The following CLTCL1 variants were observed in gnomAD, a reference collection of about 807,000 sequenced individuals.
The protein encoded by CLTCL1 is clathrin heavy chain 2.
In CLTCL1, 159 loss-of-function variants were observed where a neutral mutation model predicts 190.0. The observed-to-expected ratio is 0.84, with a 90% CI of 0.74 to 0.95. CLTCL1 has a LOEUF of 0.95. Ranked by LOEUF, CLTCL1 falls within the 40% of genes least tolerant of loss-of-function variation. CLTCL1 has a pLI of 0.00. For missense variants in CLTCL1, 1,878 were observed against 2,033.4 expected (o/e 0.92, Z 1.47); for synonymous variants, 752 against 769.6 (o/e 0.98, Z 0.38).
rs543475853 is a variant in CLTCL1 at position 19,254,848 on chromosome 22, GC to G, written c.251-622del. 2.8e-4 allele frequency among the ~76,000 whole-genome samples: 42 copies of G among 152,192 alleles called. No individual in the cohort carries two copies. In the South Asian group the frequency reaches 8.1e-3, roughly 29 times the overall value. ...CTTTAATTAATTTAAGTGTTAAACA[GC>G]CCCATGTAGCTAATGTCCAATAGGG... On this transcript the variant is annotated intron_variant, in intron 2 of 32. Coordinates refer to ENST00000427926, the MANE Select transcript of CLTCL1 (RefSeq NM_007098.4).
At position 19,235,219 on chromosome 22, in the gene CLTCL1, G is replaced by C. The variant is rs367803935; in HGVS notation, c.969+477C>G. Among the ~76,000 whole-genome samples, 17 of 151,736 alleles carry C rather than the reference G, an allele frequency of 1.1e-4. 1 individual carries two copies. The East Asian group carries it at 1.4e-3, about 12-fold the overall frequency. The stretch of plus-strand genomic sequence containing the variant: ...GGCTCTCACTGTTTCACCCAGGCTG[G>C]AGTGCAATGGTGTGATCACAGCTCA... On this transcript the variant is annotated intron_variant, in intron 6 of 32. Coordinates refer to ENST00000427926, the MANE Select transcript of CLTCL1 (RefSeq NM_007098.4).
At chr22:19,246,220 C>T (rs183938077) in intron 3 of CLTCL1, among the ~76,000 whole-genome samples, 154 of 151,816 alleles carry the variant, frequency 1.0e-3, no homozygotes, top group African/African-American at 3.3e-3. Context: ...CCACCATGCC[C>T]GGCTAGTTTT....
In CLTCL1 at chr22:19,222,098, G is replaced by C. The variant is rs782412434; in HGVS notation, c.2419-5C>G. 9.9e-6 allele frequency: 16 copies of C among 1,613,018 alleles called. No individual in the cohort carries two copies. Among genetic ancestry groups the C allele is most frequent in the Non-Finnish European group, 1.4e-5 (16 of 1,179,460 alleles). The stretch of plus-strand genomic sequence containing the variant: ...TGGGGTCCGGCTAGGGTTGACCTAG[G>C]GTAGTCAAGGTCAAGTAACTTCAGT... On this transcript the variant is annotated splice_region_variant and splice_polypyrimidine_tract_variant and intron_variant, in intron 15 of 32. Transcript: ENST00000427926.
intron 11 of CLTCL1, 84 bp from the exon 12 acceptor site, chr22:19,226,467 G>A: frequency 6.6e-7 from 1 of 1,505,540 alleles, no homozygotes; most frequent in Admixed American, 1.8e-5. Context: ...CCCCAGGGTA[G>A]GGTATAGCCT....
At position 19,232,458 on chromosome 22, in the gene CLTCL1, A is replaced by C. The variant is rs1224897898; in HGVS notation, c.1644+18T>G. The C allele has an allele frequency of 1.2e-6, 2 of 1,613,664 alleles. No homozygotes were observed. The highest frequency in any genetic ancestry group is 1.7e-6 in the Non-Finnish European group (2 of 1,179,788). On this transcript the variant is annotated intron_variant, in intron 10 of 32. Coordinates refer to ENST00000427926, the MANE Select transcript of CLTCL1 (RefSeq NM_007098.4). ...TCTAAAAAGCCACAAAAAGTTGTCC[A>C]AAACTGCCTACGCTCACCTGGCTAA...
chr22:19,245,174 C>T (rs2086377756), intron 3 of CLTCL1, among the ~76,000 whole-genome samples: 1 of 151,516 alleles, frequency 6.6e-6, no homozygotes, highest in Admixed American at 6.6e-5. Context: ...CCCATGTTCC[C>T]CTCTCCCCCT....
chr22:19,237,494 T>A (rs543563436), intron 5 of CLTCL1, among the ~76,000 whole-genome samples: 23 of 152,324 alleles, frequency 1.5e-4, no homozygotes, highest in Admixed American at 5.9e-4. Context: ...CTGGCCAGCA[T>A]GGTCAGGAGA....
chr22:19,290,420 A>G (rs1055279929), intron 1 of CLTCL1, among the ~76,000 whole-genome samples: 3 of 152,226 alleles, frequency 2.0e-5, no homozygotes, highest in African/African-American at 7.2e-5. Flanking sequence ...TCAGTAAATG[A>G]TAACTACATC....
chr22:19,228,013 T>G (rs1196624650), intron 11 of CLTCL1, among the ~76,000 whole-genome samples: 1 of 151,846 alleles, frequency 6.6e-6, no homozygotes, highest in East Asian at 1.9e-4. Context: ...CAAGCTACAC[T>G]CCTGGGTGCC....
Position 19,180,185 on chromosome 22 carries a change from A to G in CLTCL1, c.*20+14T>C. ...TGGCTAGAGGATAAGCTAGTCTCCA[A>G]ATGGGACACTTACTTAGTGCAATCA... is the stretch of plus-strand genomic sequence containing the variant. On this transcript the variant is annotated intron_variant, in intron 32 of 32. Transcript: ENST00000427926. The G allele has an allele frequency of 2.5e-6, 4 of 1,612,646 alleles. No homozygotes were observed. The highest frequency in any genetic ancestry group is 3.4e-6 in the Non-Finnish European group (4 of 1,178,850).
At chr22:19,275,299 C>T (rs2087461774) in intron 2 of CLTCL1, among the ~76,000 whole-genome samples, 2 of 152,046 alleles carry the variant, frequency 1.3e-5, no homozygotes, top group African/African-American at 4.8e-5. Context: ...CTGCAGCAGG[C>T]CCTCAGGCAA....
rs5746700 is a variant in CLTCL1, at chr22:19,248,566, G to C, written c.519+5393C>G. ...ATTCAATCCTCATTCCTATCTCCCA[G>C]ACTCCACCTCCAGTCATAGGCAACT... On this transcript the variant is annotated intron_variant, in intron 3 of 32. Coordinates refer to ENST00000427926, the MANE Select transcript of CLTCL1 (RefSeq NM_007098.4). Among the ~76,000 whole-genome samples, 1,436 of 152,202 alleles carry C rather than the reference G, an allele frequency of 9.4e-3. 34 individuals carry two copies. Among genetic ancestry groups the C allele is most frequent in the East Asian group, 0.069 (355 of 5,176 alleles).
chr22:19,245,182 C>G (rs1287998792), intron 3 of CLTCL1, among the ~76,000 whole-genome samples: 6 of 150,520 alleles, frequency 4.0e-5, no homozygotes, highest in African/African-American at 4.9e-5. Context: ...CCCCTCTCCC[C>G]CTCCTTTTTT....
At chr22:19,284,751 T>G (rs548297313) in intron 1 of CLTCL1, among the ~76,000 whole-genome samples, 1 of 144,136 alleles carries the variant, frequency 6.9e-6, no homozygotes, top group South Asian at 2.2e-4. Context: ...GTCAAGAGAT[T>G]AAGACCATCC....
At chr22:19,219,483 C>A (rs1259829182) in intron 18 of CLTCL1, among the ~76,000 whole-genome samples, 1 of 147,910 alleles carries the variant, frequency 6.8e-6, no homozygotes, top group Non-Finnish European at 1.5e-5. Flanking sequence ...CCATGCCTGG[C>A]CTATTTATTT....
chr22:19,239,559 C>T (rs910391345), intron 4 of CLTCL1, among the ~76,000 whole-genome samples, 171 bp from the exon 5 acceptor site: 11 of 152,200 alleles, frequency 7.2e-5, no homozygotes, highest in African/African-American at 2.2e-4. Context: ...TGTGATTATC[C>T]AATAACCTGC....
rs1337286365 is a variant in CLTCL1, at chr22:19,199,210, AAC to A, written c.3873+522_3873+523del. On this transcript the variant is annotated intron_variant, in intron 24 of 32. Coordinates refer to ENST00000427926, the MANE Select transcript of CLTCL1 (RefSeq NM_007098.4). Reference sequence around the variant, plus strand: ...CCACAGGTGGAAGCCCAGGTCCCTAAACACACAAATCACTGTCTACCAACCAC... The same window carrying A: ...CCACAGGTGGAAGCCCAGGTCCCTAAACACAAATCACTGTCTACCAACCAC... Among the ~76,000 whole-genome samples, 8 of 152,210 alleles carry A rather than the reference AAC, an allele frequency of 5.3e-5. No individual in the cohort carries two copies. The South Asian group carries it at 1.5e-3, about 28-fold the overall frequency.
At chr22:19,186,264 AG>A (rs2084311565) in intron 29 of CLTCL1, among the ~76,000 whole-genome samples, 1 of 152,142 alleles carries the variant, frequency 6.6e-6, no homozygotes, top group South Asian at 2.1e-4. Flanking sequence ...GGGCACAAGG[AG>A]CCCTTGGGAA....
chr22:19,192,812 G>A (rs1452836080), intron 26 of CLTCL1, among the ~76,000 whole-genome samples: 1 of 152,178 alleles, frequency 6.6e-6, no homozygotes, highest in Non-Finnish European at 1.5e-5. Flanking sequence ...TGAACTGGCC[G>A]CATCACAAAG....
Sources: allele counts gnomAD v4.1 joint callset (sites outside exome capture counted in the v4.1 genomes callset), GRCh38; gene constraint gnomAD v4.1.1; transcripts MANE v1.5; gene names NCBI Gene and HGNC (gene_info 2026-07-23, HGNC 2026-07-21).